The following BCAS3 variants were observed in gnomAD, a reference collection of about 807,000 sequenced individuals.
The protein encoded by BCAS3 is BCAS4/BCAS3 fusion.
A neutral mutation model predicts 116.1 loss-of-function variants in BCAS3; 53 were observed. The observed-to-expected ratio is 0.46, with a 90% CI of 0.37 to 0.57. The LOEUF (loss-of-function observed/expected upper bound fraction) is 0.57. BCAS3 is among the 20% of genes least tolerant of loss of function. BCAS3 has a pLI of 0.00. For missense variants in BCAS3, 917 were observed against 1,165.4 expected (o/e 0.79, Z 3.10); for synonymous variants, 391 against 408.2 (o/e 0.96, Z 0.51).
chr17:60,997,552 A>G (rs772748760), intron 15 of BCAS3, among the ~76,000 whole-genome samples: 8 of 152,220 alleles, frequency 5.3e-5, no homozygotes, highest in Non-Finnish European at 1.2e-4. Flanking sequence ...CTCTAGGAGA[A>G]TAGGCATTCC....
At chr17:60,710,485 G>T (rs2037733314) in intron 5 of BCAS3, among the ~76,000 whole-genome samples, 1 of 147,804 alleles carries the variant, frequency 6.8e-6, no homozygotes, top group Non-Finnish European at 1.5e-5. Context: ...AGGCTGGAGT[G>T]CAGTGGCGCA....
chr17:60,989,438 T>C (rs1205749730), intron 14 of BCAS3, among the ~76,000 whole-genome samples: 1 of 152,108 alleles, frequency 6.6e-6, no homozygotes, highest in Non-Finnish European at 1.5e-5. Flanking sequence ...TTTCCCTGGC[T>C]CAGGTCTGTG....
intron 10 of BCAS3, 31 bp from the exon 11 acceptor site, chr17:60,902,589 C>T (rs771368524): frequency 3.2e-5 from 48 of 1,522,244 alleles, no homozygotes; most frequent in South Asian, 2.7e-4. Context: ...ATAGAAATGA[C>T]GTTCTGCTTC....
intron 14 of BCAS3, among the ~76,000 whole-genome samples, chr17:60,977,617 G>C (rs2145380846): frequency 6.6e-6 from 1 of 151,386 alleles, no homozygotes; most frequent in African/African-American, 2.4e-5. Flanking sequence ...TCGTCATCTA[G>C]CATTAGGTAT....
At chr17:60,684,255 A>G (rs931558583) in intron 3 of BCAS3, among the ~76,000 whole-genome samples, 1 of 152,194 alleles carries the variant, frequency 6.6e-6, no homozygotes, top group Non-Finnish European at 1.5e-5. Flanking sequence ...TGCCTTCCTA[A>G]GAAGAATCAA....
intron 22 of BCAS3, among the ~76,000 whole-genome samples, chr17:61,138,201 A>G (rs1345348014): frequency 1.3e-5 from 2 of 152,206 alleles, no homozygotes; most frequent in Non-Finnish European, 2.9e-5. Context: ...AAGGAACTGA[A>G]ATTTTAAATT....
chr17:60,938,453 G>A (rs111284296), intron 13 of BCAS3, among the ~76,000 whole-genome samples: 5,881 of 152,156 alleles, frequency 0.039, 432 homozygotes, highest in African/African-American at 0.13. Flanking sequence ...AACAACTGCG[G>A]TATCTTTTGG....
chr17:60,974,451 A>G (rs56049811), intron 14 of BCAS3, among the ~76,000 whole-genome samples: 6,968 of 152,274 alleles, frequency 0.046, 503 homozygotes, highest in African/African-American at 0.16. Flanking sequence ...TATATTAGAT[A>G]TTGGTTTCCC....
At chr17:60,908,750 C>T (rs926757066) in intron 11 of BCAS3, among the ~76,000 whole-genome samples, 3 of 152,128 alleles carry the variant, frequency 2.0e-5, no homozygotes, top group African/African-American at 7.2e-5. Flanking sequence ...TTGTGGCTTT[C>T]TCTTGGTTTT....
intron 6 of BCAS3, among the ~76,000 whole-genome samples, chr17:60,797,144 C>T (rs1374416437): frequency 6.6e-6 from 1 of 152,116 alleles, no homozygotes; most frequent in Non-Finnish European, 1.5e-5. Flanking sequence ...GATCCACCCA[C>T]CTTGACCTCC....
rs192677054 is a variant in BCAS3 at position 60,679,590 on chromosome 17, A to G, written c.83+50A>G. On this transcript the variant is annotated intron_variant, in intron 2 of 23. Coordinates refer to ENST00000407086, the MANE Select transcript of BCAS3 (RefSeq NM_017679.5). Reference sequence around the variant, plus strand: ...ATAGCTGAAGAAAAGATTACTCAGAATACTAACATTTAGGTTTTCTTTATG... The same window carrying G: ...ATAGCTGAAGAAAAGATTACTCAGAGTACTAACATTTAGGTTTTCTTTATG... 6 of 1,432,130 alleles carry G rather than the reference A, an allele frequency of 4.2e-6. No individual in the cohort carries two copies. In the African/African-American group the frequency reaches 7.1e-5, roughly 17 times the overall value. The allele number at this position is 1,432,130 out of a possible 1,614,324, so 88.7% of individuals were successfully genotyped here. A position where few individuals can be genotyped will look rare whatever the true frequency, so the allele number is the denominator to read the frequency against.
Position 61,145,849 on chromosome 17 carries a change from A to G in BCAS3, c.2425+61285A>G, listed in dbSNP as rs1218485885. 9.2e-6 allele frequency among the ~76,000 whole-genome samples: 1 copy of G among 108,882 alleles called. No homozygotes were observed. Among genetic ancestry groups the G allele is most frequent in the African/African-American group, 3.1e-5 (1 of 31,794 alleles). The allele number at this position is 108,882 out of a possible 152,430, so 71.4% of individuals were successfully genotyped here. A position where few individuals can be genotyped will look rare whatever the true frequency, so the allele number is the denominator to read the frequency against. ...TAGGTTTGATTTGAACTTCATGTAC[A>G]AGACATATTTCATTTTTTTTTCTTC... On this transcript the variant is annotated intron_variant, in intron 22 of 23. Coordinates refer to ENST00000407086, the MANE Select transcript of BCAS3 (RefSeq NM_017679.5). The surrounding 1 kb of genome is among the most constrained non-coding windows in gnomAD (Gnocchi z 5.0).
At chr17:61,320,551 G>T (rs955771522) in intron 22 of BCAS3, among the ~76,000 whole-genome samples, 1 of 151,876 alleles carries the variant, frequency 6.6e-6, no homozygotes, top group African/African-American at 2.4e-5. Context: ...GTGTGGTGGC[G>T]GGCGCCTGTA....
At position 61,337,298 on chromosome 17, in the gene BCAS3, A is replaced by C. The variant is rs1257288353; in HGVS notation, c.2426-31029A>C. Among the ~76,000 whole-genome samples, 2 of 152,180 alleles carry C rather than the reference A, an allele frequency of 1.3e-5. No homozygotes were observed. ...TCTTGGGAAGTTATTGGTGGAGAGC[A>C]CTGGTGTTCCTGGCTAATGTGGGGT... is the stretch of plus-strand genomic sequence containing the variant. On this transcript the variant is annotated intron_variant, in intron 22 of 23. Transcript: ENST00000407086. This position sits in a 1 kb window ranked among gnomAD's most constrained non-coding sequence, Gnocchi z 4.8.
chr17:61,119,360 CA>C (rs1451078976), intron 22 of BCAS3, among the ~76,000 whole-genome samples: 7 of 152,166 alleles, frequency 4.6e-5, no homozygotes, highest in African/African-American at 1.4e-4. Flanking sequence ...CTACCATGAC[CA>C]AATGTGATTT....
chr17:61,367,218 A>G lies in BCAS3; in HGVS notation c.2426-1109A>G, dbSNP rs1177711756. On this transcript the variant is annotated intron_variant, in intron 22 of 23. Coordinates refer to ENST00000407086, the MANE Select transcript of BCAS3 (RefSeq NM_017679.5). This position sits in a 1 kb window ranked among gnomAD's most constrained non-coding sequence, Gnocchi z 6.2. Reference sequence around the variant, plus strand: ...ACGTTGGCATTTGCATTTTTTCCCCATCTTCCCGATGCTGGCAGGAACCAA... The same window carrying G: ...ACGTTGGCATTTGCATTTTTTCCCCGTCTTCCCGATGCTGGCAGGAACCAA... Among the ~76,000 whole-genome samples, 4 of 152,348 alleles carry G rather than the reference A, an allele frequency of 2.6e-5. No individual in the cohort carries two copies. The highest frequency in any genetic ancestry group is 3.4e-3 in the Middle Eastern group (1 of 294).
At chr17:60,762,693 A>C (rs532674621) in intron 6 of BCAS3, among the ~76,000 whole-genome samples, 2 of 152,084 alleles carry the variant, frequency 1.3e-5, no homozygotes, top group South Asian at 4.2e-4. Flanking sequence ...CTCTTTTTTG[A>C]TTCCATATGA....
chr17:61,027,807 G>C lies in BCAS3; in HGVS notation c.1638-6859G>C, dbSNP rs2066364767. Among the ~76,000 whole-genome samples the C allele has an allele frequency of 2.0e-5, 3 of 151,924 alleles. No homozygotes were observed. The South Asian group carries it at 6.2e-4, about 31-fold the overall frequency. On this transcript the variant is annotated intron_variant, in intron 16 of 23. Transcript: ENST00000407086. ...ATTAAATAAGCTGATACATATCTCA[G>C]TATGTGTTAGTATATAACAGTGCCT... is the stretch of plus-strand genomic sequence containing the variant.
rs184270225 is a variant in BCAS3 at position 61,281,855 on chromosome 17, T to A, written c.2426-86472T>A. On this transcript the variant is annotated intron_variant, in intron 22 of 23. Coordinates refer to ENST00000407086, the MANE Select transcript of BCAS3 (RefSeq NM_017679.5). This position sits in a 1 kb window ranked among gnomAD's most constrained non-coding sequence, Gnocchi z 4.2. Reference sequence around the variant, plus strand: ...TATAGCTTTCTCATTTCTCTGTTTTTAAAAAAAATTCTTCGTTTTATGGTA... The same window carrying A: ...TATAGCTTTCTCATTTCTCTGTTTTAAAAAAAAATTCTTCGTTTTATGGTA... Among the ~76,000 whole-genome samples the A allele has an allele frequency of 2.5e-3, 385 of 152,210 alleles. 5 individuals carry two copies. The highest frequency in any genetic ancestry group is 9.0e-3 in the African/African-American group (372 of 41,544).
Sources: allele counts gnomAD v4.1 joint callset (sites outside exome capture counted in the v4.1 genomes callset), GRCh38; gene constraint gnomAD v4.1.1; non-coding constraint Gnocchi (gnomAD v3.1); transcripts MANE v1.5; gene names NCBI Gene and HGNC (gene_info 2026-07-23, HGNC 2026-07-21).